The following TTC6 variants were observed in gnomAD, a reference collection of about 807,000 sequenced individuals.
The protein encoded by TTC6 is tetratricopeptide repeat protein 6.
In TTC6, 172 loss-of-function variants were observed where a neutral mutation model predicts 210.4. The ratio of observed to expected loss-of-function variants is 0.82; its 90% CI spans 0.72 to 0.93. The LOEUF is 0.93. TTC6 is among the 40% of genes least tolerant of loss of function. The probability of loss-of-function intolerance (pLI) is 0.00; values close to 1 mark genes in which losing one functional copy is unlikely to be tolerated. For synonymous variants in TTC6, 804 were observed against 819.6 expected, an observed-to-expected ratio of 0.98 and a Z score of 0.32; for missense variants, 2,414 against 2,318.1, an observed-to-expected ratio of 1.04 and a Z score of -0.85.
At chr14:37,757,379 G>A (rs1215815533) in intron 14 of TTC6, among the ~76,000 whole-genome samples, 2 of 152,012 alleles carry the variant, frequency 1.3e-5, no homozygotes, top group Non-Finnish European at 2.9e-5. Flanking sequence ...TCCTGCCTCA[G>A]CCTCCTGAGT....
At chr14:37,790,489 TC>T (rs1566956719) in intron 15 of TTC6, among the ~76,000 whole-genome samples, 12 of 152,196 alleles carry the variant, frequency 7.9e-5, no homozygotes. Context: ...TTAATTCAGC[TC>T]TAATGAGTTT....
At chr14:37,754,123 G>A (rs1482954342) in intron 14 of TTC6, among the ~76,000 whole-genome samples, 1 of 152,078 alleles carries the variant, frequency 6.6e-6, no homozygotes, top group East Asian at 1.9e-4. Flanking sequence ...TGTGCAGAAC[G>A]TGCAGGTTTG....
intron 14 of TTC6, among the ~76,000 whole-genome samples, chr14:37,761,406 C>G (rs939267225): frequency 3.9e-5 from 6 of 152,050 alleles, no homozygotes; most frequent in African/African-American, 1.4e-4. Flanking sequence ...TTGCGTGGGT[C>G]TTGCTGGGAG....
chr14:37,778,930 C>A lies in TTC6; in HGVS notation c.3267-8538C>A, dbSNP rs767539802. Among the ~76,000 whole-genome samples the A allele has an allele frequency of 1.5e-4, 23 of 152,164 alleles. 1 individual carries two copies. Among genetic ancestry groups the A allele is most frequent in the Non-Finnish European group, 3.2e-4 (22 of 68,008 alleles). On this transcript the variant is annotated intron_variant, in intron 14 of 30. Transcript: ENST00000553443. ...GCTAAAGTCTCCAAGGGGAGCATGG[C>A]AGACCTTGGGGTATGGGTATCCCTG... is the stretch of plus-strand genomic sequence containing the variant.
intron 14 of TTC6, among the ~76,000 whole-genome samples, chr14:37,776,090 G>A (rs1210790258): frequency 6.4e-5 from 1 of 15,688 alleles, no homozygotes; most frequent in Admixed American, 1.2e-3. Context: ...TCGCTCTGTC[G>A]CCCAGGCTGG....
At chr14:37,630,671 A>G (rs2095667730) in intron 1 of TTC6, among the ~76,000 whole-genome samples, 1 of 152,132 alleles carries the variant, frequency 6.6e-6, no homozygotes, top group South Asian at 2.1e-4. Context: ...TCTAATATTG[A>G]CAGTGGGGTG....
At chr14:37,599,611 C>T (rs901770148) in intron 1 of TTC6, among the ~76,000 whole-genome samples, 20 of 152,322 alleles carry the variant, frequency 1.3e-4, no homozygotes, top group Non-Finnish European at 2.5e-4. Context: ...ATGTCGGAGC[C>T]GGAGCTGCTC....
At chr14:37,660,809 TA>T (rs2095735865) in intron 1 of TTC6, among the ~76,000 whole-genome samples, 1 of 152,216 alleles carries the variant, frequency 6.6e-6, no homozygotes, top group Admixed American at 6.5e-5. Flanking sequence ...ACCAATGGTG[TA>T]AAACGTTCCC....
intron 7 of TTC6, among the ~76,000 whole-genome samples, chr14:37,727,340 C>T (rs1356295192): frequency 1.6e-5 from 2 of 125,092 alleles, no homozygotes; most frequent in Non-Finnish European, 3.2e-5. Context: ...TATCACCAGG[C>T]TGGAGTGCAG....
At chr14:37,720,036 A>G (rs1321839101) in intron 6 of TTC6, among the ~76,000 whole-genome samples, 3 of 152,228 alleles carry the variant, frequency 2.0e-5, no homozygotes, top group African/African-American at 4.8e-5. Flanking sequence ...CAAAACCATT[A>G]ATAAACATTT....
chr14:37,740,753 G>A (rs1404172584), intron 10 of TTC6, among the ~76,000 whole-genome samples: 1 of 152,094 alleles, frequency 6.6e-6, no homozygotes, highest in East Asian at 1.9e-4. Context: ...CTGCAAGTAG[G>A]TTTTCTAAGT....
intron 5 of TTC6, among the ~76,000 whole-genome samples, chr14:37,707,968 A>G (rs1261963193): frequency 6.6e-6 from 1 of 152,072 alleles, no homozygotes; most frequent in African/African-American, 2.4e-5. Flanking sequence ...ATGGGACAAG[A>G]TCTGAAAAAT....
intron 13 of TTC6, among the ~76,000 whole-genome samples, chr14:37,751,916 G>A (rs1030152779): frequency 6.8e-6 from 1 of 146,820 alleles, no homozygotes; most frequent in Admixed American, 7.1e-5. Context: ...CTCTGCCTCC[G>A]GGATTCACGC....
intron 10 of TTC6, among the ~76,000 whole-genome samples, chr14:37,744,735 T>A (rs2095930796): frequency 6.6e-6 from 1 of 152,202 alleles, no homozygotes; most frequent in Admixed American, 6.5e-5. Flanking sequence ...CTTTGGATTC[T>A]TAATAGAAAA....
chr14:37,701,566 A>G (rs1310332916), intron 5 of TTC6, 40 bp downstream of exon 7: 6 of 1,394,048 alleles, frequency 4.3e-6, no homozygotes, highest in Non-Finnish European at 5.6e-6. Context: ...AGCTAAATGT[A>G]AACTGTCATA....
chr14:37,695,944 G>A (rs2095814032), intron 3 of TTC6, among the ~76,000 whole-genome samples: 1 of 152,118 alleles, frequency 6.6e-6, no homozygotes, highest in Non-Finnish European at 1.5e-5. Flanking sequence ...ATGGGATGAC[G>A]AGATTTAGTA....
chr14:37,744,410 A>G (rs2095929850), intron 10 of TTC6, among the ~76,000 whole-genome samples: 1 of 152,224 alleles, frequency 6.6e-6, no homozygotes, highest in Non-Finnish European at 1.5e-5. Flanking sequence ...AGAAGCCTCT[A>G]TAAGGTAGTG....
chr14:37,609,719 CA>C (rs2095631136), intron 2 of TTC6, among the ~76,000 whole-genome samples: 3 of 151,962 alleles, frequency 2.0e-5, no homozygotes, highest in Admixed American at 2.0e-4. Flanking sequence ...ACTATTTTTT[CA>C]GTTTAGGAAC....
chr14:37,806,218 G>A (rs2096118244), intron 21 of TTC6, 143 bp from the exon 24 acceptor site: 2 of 810,830 alleles, frequency 2.5e-6, no homozygotes, highest in African/African-American at 1.7e-5. Flanking sequence ...GTTCCATGAG[G>A]TCCATTAGGA....
Sources: gnomAD v4.1 joint callset for allele counts (sites outside exome capture counted in the v4.1 genomes callset) on GRCh38, gnomAD v4.1.1 for gene constraint, MANE v1.5 for transcripts, NCBI Gene and HGNC (gene_info 2026-07-23, HGNC 2026-07-21) for gene names.